DLGAP4: variants seen among roughly 807,000 people sequenced by gnomAD.
The protein encoded by DLGAP4 is disks large-associated protein 4.
A neutral mutation model predicts 86.9 loss-of-function variants in DLGAP4; 18 were observed. The ratio of observed to expected loss-of-function variants is 0.21; its 90% confidence interval spans 0.14 to 0.31. The LOEUF is 0.31. DLGAP4 is among the 10% of genes least tolerant of loss of function. The pLI, the probability that DLGAP4 is intolerant of heterozygous loss-of-function variation, is 1.00. For synonymous variants in DLGAP4, 548 were observed against 574.3 expected, an observed-to-expected ratio of 0.95 and a Z score of 0.65; for missense variants, 1,085 against 1,362.6, an observed-to-expected ratio of 0.80 and a Z score of 3.21.
At chr20:36,487,973 G>A (rs1237811459) in intron 7 of DLGAP4, among the ~76,000 whole-genome samples, 1 of 151,894 alleles carries the variant, frequency 6.6e-6, no homozygotes, top group Non-Finnish European at 1.5e-5. Context: ...AGGCTGAGGC[G>A]GGTGGATCAC....
At chr20:36,422,182 G>A (rs1172963669) in intron 2 of DLGAP4, among the ~76,000 whole-genome samples, 2 of 152,044 alleles carry the variant, frequency 1.3e-5, no homozygotes, top group Non-Finnish European at 2.9e-5. Flanking sequence ...TCCACACATC[G>A]TCCCTTCAGA....
rs557119503 is a variant in DLGAP4 at position 36,306,756 on chromosome 20, G to A, written c.-304+244G>A. 3.9e-5 allele frequency among the ~76,000 whole-genome samples: 6 copies of A among 152,168 alleles called. No homozygotes were observed. The highest frequency in any genetic ancestry group is 3.9e-4 in the East Asian group (2 of 5,146). ...GGGATCGCCCCATCCATGTCTCCCC[G>A]GACCCTCAAATCGGGGGCGGCGGCA... On this transcript the variant is annotated intron_variant, in intron 1 of 12. Transcript: ENST00000339266. This position sits in a 1 kb window ranked among gnomAD's most constrained non-coding sequence, Gnocchi z 4.9.
chr20:36,396,533 A>G (rs1209765423), intron 2 of DLGAP4, among the ~76,000 whole-genome samples: 1 of 83,412 alleles, frequency 1.2e-5, no homozygotes, highest in Non-Finnish European at 2.6e-5. Context: ...ACACGTGCAC[A>G]CACACGCACA....
chr20:36,407,332 G>T (rs2032353139), intron 2 of DLGAP4, among the ~76,000 whole-genome samples: 1 of 152,132 alleles, frequency 6.6e-6, no homozygotes, highest in Non-Finnish European at 1.5e-5. Flanking sequence ...TCAGTGAATG[G>T]TGTTCCCCTT....
intron 1 of DLGAP4, among the ~76,000 whole-genome samples, chr20:36,340,969 C>T (rs1555892433): frequency 6.6e-6 from 1 of 152,204 alleles, no homozygotes; most frequent in African/African-American, 2.4e-5. Context: ...CTGAGCACCT[C>T]CCACCCCTCC....
At chr20:36,307,700 GC>G (rs1357608686) in intron 1 of DLGAP4, among the ~76,000 whole-genome samples, 2 of 151,994 alleles carry the variant, frequency 1.3e-5, no homozygotes, top group African/African-American at 4.8e-5. Context: ...TGCAGTTCCA[GC>G]CCCCGGGGGA....
chr20:36,361,978 C>CAA (rs545997891), intron 1 of DLGAP4, among the ~76,000 whole-genome samples: 16 of 48,280 alleles, frequency 3.3e-4, no homozygotes, highest in Admixed American at 7.5e-4. Context: ...GATTCTGTCT[C>CAA]AAAAAAAAAA....
At chr20:36,420,199 C>T (rs2032782620) in intron 2 of DLGAP4, among the ~76,000 whole-genome samples, 1 of 152,160 alleles carries the variant, frequency 6.6e-6, no homozygotes, top group Non-Finnish European at 1.5e-5. Context: ...TCATGAACAC[C>T]TACTATATCC....
chr20:36,513,518 G>T (rs372939914), intron 10 of DLGAP4, among the ~76,000 whole-genome samples: 1 of 131,116 alleles, frequency 7.6e-6, no homozygotes, highest in African/African-American at 3.0e-5. Context: ...ACTGCAGTCC[G>T]CAATCCGGCC....
At chr20:36,338,129 GC>G (rs1342368635) in intron 1 of DLGAP4, among the ~76,000 whole-genome samples, 9 of 152,238 alleles carry the variant, frequency 5.9e-5, no homozygotes, top group Non-Finnish European at 1.2e-4. Flanking sequence ...TGGGAGGGGA[GC>G]TTCTTAAGCT....
chr20:36,378,877 G>A (rs2033017047), intron 2 of DLGAP4, among the ~76,000 whole-genome samples: 1 of 152,130 alleles, frequency 6.6e-6, no homozygotes, highest in Non-Finnish European at 1.5e-5. Context: ...TGGGAAGCAA[G>A]TTTGAGCTTC....
At chr20:36,439,436 C>CT (rs2033381381) in intron 4 of DLGAP4, among the ~76,000 whole-genome samples, 3 of 152,150 alleles carry the variant, frequency 2.0e-5, no homozygotes, top group African/African-American at 7.2e-5. Context: ...AGGGGTGAGT[C>CT]TAGGGGCCTG....
At chr20:36,456,613 G>A (rs1216622914) in intron 7 of DLGAP4, among the ~76,000 whole-genome samples, 4 of 152,246 alleles carry the variant, frequency 2.6e-5, no homozygotes, top group Non-Finnish European at 5.9e-5. Flanking sequence ...CAGAAGGCAG[G>A]CTTCCTGTCT....
chr20:36,410,917 T>A (rs2032479881), intron 2 of DLGAP4, among the ~76,000 whole-genome samples: 1 of 152,202 alleles, frequency 6.6e-6, no homozygotes, highest in South Asian at 2.1e-4. Context: ...TTGGCTCTCC[T>A]TGTGTCCCCA....
intron 2 of DLGAP4, among the ~76,000 whole-genome samples, chr20:36,422,148 C>T (rs570311953): frequency 2.7e-4 from 41 of 152,236 alleles, no homozygotes; most frequent in African/African-American, 9.6e-4. Flanking sequence ...CCCTGGAGGC[C>T]CCCACAGAAT....
At chr20:36,418,840 A>AT (rs2147515280) in intron 2 of DLGAP4, among the ~76,000 whole-genome samples, 1 of 116,498 alleles carries the variant, frequency 8.6e-6, no homozygotes, top group East Asian at 2.7e-4. Flanking sequence ...AACTAGTTGA[A>AT]TATCATGCTT....
At chr20:36,382,560 C>T (rs1260551246) in intron 2 of DLGAP4, among the ~76,000 whole-genome samples, 2 of 121,952 alleles carry the variant, frequency 1.6e-5, no homozygotes, top group African/African-American at 6.3e-5. Flanking sequence ...GACAGAGTCT[C>T]ACTCTGTCAC....
At position 36,528,069 on chromosome 20, in the gene DLGAP4, T is replaced by C. The variant is rs926783230; in HGVS notation, c.*1038T>C. ...CGGGTGTGTGAATAGCATATATTTT[T>C]ACATGTACTATATCTAGGTGTGTGT... is the stretch of plus-strand genomic sequence containing the variant. On this transcript the variant is annotated 3_prime_UTR_variant, in exon 13 of 13. Coordinates refer to ENST00000339266, the MANE Select transcript of DLGAP4 (RefSeq NM_001365621.2). 1 of 152,322 alleles carries C rather than the reference T, an allele frequency of 6.6e-6. No individual in the cohort carries two copies. The highest frequency in any genetic ancestry group is 1.5e-5 in the Non-Finnish European group (1 of 68,028). 9.4% of individuals were successfully genotyped at this position (152,322 alleles called of 1,614,324 possible). A position where few individuals can be genotyped will look rare whatever the true frequency, so the allele number is the denominator to read the frequency against.
At chr20:36,417,280 C>G (rs894533433) in intron 2 of DLGAP4, among the ~76,000 whole-genome samples, 1 of 152,182 alleles carries the variant, frequency 6.6e-6, no homozygotes, top group Non-Finnish European at 1.5e-5. Flanking sequence ...GGCCCCATGG[C>G]AGGCAAGAGC....
Sources: allele counts gnomAD v4.1 joint callset (sites outside exome capture counted in the v4.1 genomes callset), GRCh38; gene constraint gnomAD v4.1.1; non-coding constraint Gnocchi (gnomAD v3.1); transcripts MANE v1.5; gene names NCBI Gene and HGNC (gene_info 2026-07-23, HGNC 2026-07-21).